PLA2G4F: variants seen among roughly 807,000 people sequenced by gnomAD.
PLA2G4F encodes cytosolic phospholipase A2 zeta.
Under a neutral mutation model 103.1 loss-of-function variants are expected in PLA2G4F, and 105 were observed. The observed-to-expected ratio is 1.02, with a 90% CI of 0.87 to 1.20. PLA2G4F has a LOEUF of 1.20. PLA2G4F is among the 50% of genes most tolerant of loss of function. PLA2G4F has a pLI of 0.00. For synonymous variants in PLA2G4F, 468 were observed against 441.1 expected (o/e 1.06, Z -0.76); for missense variants, 1,155 against 1,075.9 (o/e 1.07, Z -1.03).
At chr15:42,147,515 A>G (rs1595619972) in intron 12 of PLA2G4F, 111 bp downstream of exon 12, 1 of 1,422,472 alleles carries the variant, frequency 7.0e-7, no homozygotes, top group East Asian at 2.3e-5. Flanking sequence ...CCCTCCTAAC[A>G]CCCTGGGAGG....
In PLA2G4F at chr15:42,139,044, G is replaced by GGT. The variant is rs1214812830; in HGVS notation, c.*2939_*2940insAC. 1.3e-5 allele frequency: 2 copies of GGT among 152,260 alleles called. No individual in the cohort carries two copies. Among genetic ancestry groups the GGT allele is most frequent in the Non-Finnish European group, 2.9e-5 (2 of 68,062 alleles). 9.4% of individuals were successfully genotyped at this position (152,260 alleles called of 1,614,324 possible). On this transcript the variant is annotated 3_prime_UTR_variant, in exon 20 of 20. Transcript: ENST00000397272. ...ACTCAGACACAGGTATGCAGTGTAA[G>GGT]AGCAGCTAGGGGACTGCCCAGCTCA...
At position 42,144,629 on chromosome 15, in the gene PLA2G4F, G is replaced by A. The variant is rs767134598; in HGVS notation, c.1796C>T (p.Pro599Leu). 4 of 1,599,152 alleles carry A rather than the reference G, an allele frequency of 2.5e-6. No individual in the cohort carries two copies. The highest frequency in any genetic ancestry group is 3.4e-5 in the Admixed American group (2 of 58,324). ...CAGCCTCGAGGGGTTGTGCAGCTGA[G>A]GCTTCTGGCAGTCGTCTAGACAGGG... is the stretch of plus-strand genomic sequence containing the variant. ...SVNITDDCQK[P>L]QLHNPSRLRT... The change falls in exon 17 of 20, where the codon CCT becomes CTT. Residue 599 changes from proline (P) to leucine (L), a missense_variant. This residue lies in a region of PLA2G4F where 782 missense variants were observed against 692.9 expected (regional missense o/e 1.13). Transcript: ENST00000397272.
At chr15:42,149,994 T>C in intron 10 of PLA2G4F, 110 bp downstream of exon 10, 1 of 1,553,650 alleles carries the variant, frequency 6.4e-7, no homozygotes. Flanking sequence ...AAAAATGTCA[T>C]CCCCACCCCA....
In PLA2G4F at chr15:42,142,589, G is replaced by A. The variant is rs202088845; in HGVS notation, c.2268C>T (p.Arg756=). The change falls in exon 19 of 20, where the codon CGC becomes CGT. Residue 756 remains arginine (R), a synonymous_variant. Coordinates refer to ENST00000397272, the MANE Select transcript of PLA2G4F (RefSeq NM_213600.4). ...GGGGGAAGTGCAGCACAATGGGGGA[G>A]CGGGGGTCCTCAGCCTTGGCAAACA... ...CYLFAKAEDP[R]SPIVLHFPLV... The A allele has an allele frequency of 1.9e-6, 3 of 1,614,140 alleles. No homozygotes were observed. The highest frequency in any genetic ancestry group is 1.6e-4 in the Middle Eastern group (1 of 6,062).
chr15:42,147,009 G>C (rs970396269), intron 13 of PLA2G4F, 115 bp downstream of exon 13: 1 of 1,063,576 alleles, frequency 9.4e-7, no homozygotes, highest in African/African-American at 1.6e-5. Flanking sequence ...GGGGAGCCGA[G>C]AGCTCAGGAA....
At position 42,142,210 on chromosome 15, in the gene PLA2G4F, G is replaced by T; in HGVS notation, c.2330-6C>A. On this transcript the variant is annotated splice_polypyrimidine_tract_variant and splice_region_variant and intron_variant, in intron 19 of 19. Transcript: ENST00000397272. ...AGCTGTTTGTCGCTCCACACCTGTG[G>T]GTGGGGGAAGCAGAGGAGAGGCCAG... 6.2e-7 allele frequency: 1 copy of T among 1,606,038 alleles called. No individual in the cohort carries two copies. The highest frequency in any genetic ancestry group is 8.5e-7 in the Non-Finnish European group (1 of 1,175,366).
At position 42,139,131 on chromosome 15, in the gene PLA2G4F, T is replaced by G. The variant is rs910502954; in HGVS notation, c.*2853A>C. The G allele has an allele frequency of 6.6e-6, 1 of 152,328 alleles. No homozygotes were observed. Among genetic ancestry groups the G allele is most frequent in the Non-Finnish European group, 1.5e-5 (1 of 68,082 alleles). 9.4% of individuals were successfully genotyped at this position (152,328 alleles called of 1,614,324 possible). ...TTGCTTTTATTCAGTGCAGGCACAA[T>G]GCCAAAAGCCTGGAGCAAACACTGG... is the stretch of plus-strand genomic sequence containing the variant. On this transcript the variant is annotated 3_prime_UTR_variant, in exon 20 of 20. Coordinates refer to ENST00000397272, the MANE Select transcript of PLA2G4F (RefSeq NM_213600.4).
rs149142507 is a variant in PLA2G4F, at chr15:42,143,458, G to A, written c.2142+520C>T. 6.0e-3 allele frequency among the ~76,000 whole-genome samples: 906 copies of A among 152,266 alleles called. 10 individuals carry two copies. The highest frequency in any genetic ancestry group is 0.02 in the African/African-American group (848 of 41,546). On this transcript the variant is annotated intron_variant, in intron 18 of 19. Transcript: ENST00000397272. ...AATCCCAGGCTCTCACTGGACCCAG[G>A]ACAAAGAGGAGACCAAAGGAAGGGC...
intron 7 of PLA2G4F, 93 bp downstream of exon 7, chr15:42,152,595 A>T (rs2048971834): frequency 1.5e-6 from 2 of 1,330,128 alleles, no homozygotes; most frequent in Non-Finnish European, 2.1e-6. Context: ...TGAAAACTTT[A>T]AGAACTTCCT....
At chr15:42,149,258 G>A (rs1212151849) in intron 11 of PLA2G4F, 1 of 807,044 alleles carries the variant, frequency 1.2e-6, no homozygotes, top group Non-Finnish European at 1.5e-6. Flanking sequence ...GTGAGTAAGG[G>A]TAGGGCCTTC....
At position 42,144,468 on chromosome 15, in the gene PLA2G4F, C is replaced by T; in HGVS notation, c.1957G>A (p.Glu653Lys). 1 of 1,612,254 alleles carries T rather than the reference C, an allele frequency of 6.2e-7. No homozygotes were observed. Among genetic ancestry groups the T allele is most frequent in the Non-Finnish European group, 8.5e-7 (1 of 1,180,024 alleles). Residue 653 changes from glutamate to lysine, a missense_variant, in exon 17 of 20, where the codon GAG becomes AAG. Glu to Lys is a moderately conservative substitution (Grantham distance 56). Transcript: ENST00000397272. The part of the protein sequence containing the change: ...CLHKDYVAGR[E>K]FVAWKDTHPD... Reference sequence around the variant, plus strand: ...CACCCACCTTTCCAGGCCACGAACTCCCTGCCAGCCACATAGTCCTTGTGC... The same window carrying T: ...CACCCACCTTTCCAGGCCACGAACTTCCTGCCAGCCACATAGTCCTTGTGC...
rs1318932633 is a variant in PLA2G4F, at chr15:42,141,627, G to A, written c.*357C>T. ...TCAGTGCCCTCAGCCCCTGTTCTGT[G>A]TGGGTCTGAGGACTTGGGCCCTCTG... On this transcript the variant is annotated 3_prime_UTR_variant, in exon 20 of 20. Coordinates refer to ENST00000397272, the MANE Select transcript of PLA2G4F (RefSeq NM_213600.4). 6.2e-6 allele frequency: 3 copies of A among 481,922 alleles called. No homozygotes were observed. The highest frequency in any genetic ancestry group is 2.3e-5 in the Admixed American group (1 of 43,288). The allele number at this position is 481,922 out of a possible 1,614,324, so 29.9% of individuals were successfully genotyped here. A position where few individuals can be genotyped will look rare whatever the true frequency, so the allele number is the denominator to read the frequency against.
rs934349477 is a variant in PLA2G4F, at chr15:42,154,310, G to A, written c.321+12C>T. 6 of 1,608,572 alleles carry A rather than the reference G, an allele frequency of 3.7e-6. No individual in the cohort carries two copies. The Admixed American group carries it at 5.0e-5, about 13-fold the overall frequency. Reference sequence around the variant, plus strand: ...TTCCCCTCCCGCAGCCTGGCCCCTGGCTGGCCCTCACCTTCACAGCACCAT... The same window carrying A: ...TTCCCCTCCCGCAGCCTGGCCCCTGACTGGCCCTCACCTTCACAGCACCAT... On this transcript the variant is annotated intron_variant, in intron 3 of 19. Coordinates refer to ENST00000397272, the MANE Select transcript of PLA2G4F (RefSeq NM_213600.4).
chr15:42,155,371 C>T, intron 2 of PLA2G4F, 146 bp downstream of exon 2: 1 of 775,210 alleles, frequency 1.3e-6, no homozygotes. Flanking sequence ...CACGTATACT[C>T]ACACATGTAT....
intron 7 of PLA2G4F, among the ~76,000 whole-genome samples, 187 bp downstream of exon 7, chr15:42,152,501 C>A (rs185256231): frequency 1.8e-4 from 28 of 152,356 alleles, no homozygotes; most frequent in Admixed American, 1.2e-3. Flanking sequence ...GCGGATACAA[C>A]CTCTTTGCTC....
chr15:42,148,937 A>T, intron 11 of PLA2G4F: 1 of 985,430 alleles, frequency 1.0e-6, no homozygotes, highest in Non-Finnish European at 1.2e-6. Flanking sequence ...TATTGCCCCA[A>T]TGAACGATCT....
chr15:42,147,603 T>C, intron 12 of PLA2G4F, 23 bp downstream of exon 12: 1 of 1,612,890 alleles, frequency 6.2e-7, no homozygotes, highest in Non-Finnish European at 8.5e-7. Context: ...CTTTACCCTG[T>C]GCCCTGCCCC....
chr15:42,149,700 C>T lies in PLA2G4F; in HGVS notation c.1059+13G>A, dbSNP rs1398400160. On this transcript the variant is annotated intron_variant, in intron 11 of 19. Transcript: ENST00000397272. ...TAGAGGCTCTGGGGTCCAGCTCCTC[C>T]TCCATTACGTACCTGGCCACTGTCC... The T allele has an allele frequency of 6.2e-7, 1 of 1,613,996 alleles. No individual in the cohort carries two copies. The highest frequency in any genetic ancestry group is 1.1e-5 in the South Asian group (1 of 91,056).
At position 42,152,740 on chromosome 15, in the gene PLA2G4F, C is replaced by T; in HGVS notation, c.549G>A (p.Leu183=). 1.3e-6 allele frequency: 2 copies of T among 1,556,358 alleles called. No individual in the cohort carries two copies. The highest frequency in any genetic ancestry group is 2.4e-5 in the East Asian group (1 of 41,456). The change falls in exon 7 of 20, where the codon CTG becomes CTA. Residue 183 remains leucine, a synonymous_variant. Coordinates refer to ENST00000397272, the MANE Select transcript of PLA2G4F (RefSeq NM_213600.4). ...TNGVLVAHPC[L]RIQGTLRGDG... The stretch of plus-strand genomic sequence containing the variant: ...CTCCCCGGAGCGTGCCCTGGATTCT[C>T]AGACAGGGGTGAGCCTGAGGAAAGC...
Sources: allele counts gnomAD v4.1 joint callset (sites outside exome capture counted in the v4.1 genomes callset), GRCh38; gene constraint gnomAD v4.1.1; regional missense constraint gnomAD v4.1.1; transcripts MANE v1.5; gene names NCBI Gene and HGNC (gene_info 2026-07-23, HGNC 2026-07-21).